SLC24A2: variants seen among roughly 807,000 people sequenced by gnomAD.
The protein encoded by SLC24A2 is sodium/potassium/calcium exchanger 2.
In SLC24A2, 36 loss-of-function variants were observed where a neutral mutation model predicts 62.0. The observed-to-expected ratio is 0.58, with a 90% CI of 0.44 to 0.77. The LOEUF (loss-of-function observed/expected upper bound fraction) is 0.77, where lower values mean the gene tolerates loss of function less well. Ranked by LOEUF, SLC24A2 falls within the 30% of genes least tolerant of loss-of-function variation. SLC24A2 has a pLI of 0.00. For synonymous variants in SLC24A2, 358 were observed against 294.0 expected, an observed-to-expected ratio of 1.22 and a Z score of -2.23; for missense variants, 846 against 817.9, an observed-to-expected ratio of 1.03 and a Z score of -0.42.
the SLC24A2 span, among the ~76,000 whole-genome samples, chr9:20,155,731 C>T: frequency 6.6e-6 from 1 of 151,618 alleles, no homozygotes; most frequent in Middle Eastern, 3.2e-3. Context: ...CTTTCAGATG[C>T]CATCAACATA....
At chr9:19,655,669 A>G (rs1335840547) in intron 2 of SLC24A2, among the ~76,000 whole-genome samples, 1 of 152,148 alleles carries the variant, frequency 6.6e-6, no homozygotes, top group Non-Finnish European at 1.5e-5. Flanking sequence ...TTCACTACAG[A>G]TTTATGGAGT....
chr9:20,055,944 G>GTTCTTAC, the SLC24A2 span, among the ~76,000 whole-genome samples: 1,438 of 152,140 alleles, frequency 9.5e-3, 26 homozygotes, highest in African/African-American at 0.033. Flanking sequence ...CAAAGTTCAT[G>GTTCTTAC]TTCTTACCGC....
the SLC24A2 span, among the ~76,000 whole-genome samples, chr9:19,904,863 G>A: frequency 6.6e-6 from 1 of 151,952 alleles, no homozygotes; most frequent in African/African-American, 2.4e-5. Flanking sequence ...GGCAAGTCTG[G>A]ACATATCTAC....
At chr9:19,972,982 T>G in the SLC24A2 span, among the ~76,000 whole-genome samples, 1 of 152,120 alleles carries the variant, frequency 6.6e-6, no homozygotes, top group Non-Finnish European at 1.5e-5. Context: ...GGGAAGAGGA[T>G]GATGGGATCT....
chr9:19,776,568 A>C (rs539855927), intron 2 of SLC24A2, among the ~76,000 whole-genome samples: 176 of 152,336 alleles, frequency 1.2e-3, no homozygotes, highest in African/African-American at 4.0e-3. Context: ...GAGGCGGTCT[A>C]GCGTCCTACA....
At chr9:19,738,993 G>A (rs553656820) in intron 2 of SLC24A2, among the ~76,000 whole-genome samples, 38 of 151,924 alleles carry the variant, frequency 2.5e-4, no homozygotes, top group East Asian at 7.8e-4. Context: ...GGTGCGCACC[G>A]GTAGTCCCAG....
At chr9:20,272,206 C>A in the SLC24A2 span, among the ~76,000 whole-genome samples, 1 of 152,160 alleles carries the variant, frequency 6.6e-6, no homozygotes, top group African/African-American at 2.4e-5. Context: ...GAAGCACCAG[C>A]ACTAAAATTA....
chr9:20,075,257 G>C, the SLC24A2 span, among the ~76,000 whole-genome samples: 1 of 152,144 alleles, frequency 6.6e-6, no homozygotes, highest in Non-Finnish European at 1.5e-5. Flanking sequence ...ACACCATGTT[G>C]AGTGCTTTAC....
At chr9:19,826,127 A>G in the SLC24A2 span, among the ~76,000 whole-genome samples, 2 of 150,976 alleles carry the variant, frequency 1.3e-5, no homozygotes, top group African/African-American at 2.4e-5. Flanking sequence ...AAAAATGATC[A>G]TAACGCAAAA....
rs1835181138 is a variant in SLC24A2, at chr9:19,557,946, AGT to A, written c.1348-7680_1348-7679del. Among the ~76,000 whole-genome samples, 5 of 151,814 alleles carry A rather than the reference AGT, an allele frequency of 3.3e-5. No homozygotes were observed. The South Asian group carries it at 1.0e-3, about 32-fold the overall frequency. On this transcript the variant is annotated intron_variant, in intron 7 of 10. Coordinates refer to ENST00000341998, the MANE Select transcript of SLC24A2 (RefSeq NM_020344.4). The stretch of plus-strand genomic sequence containing the variant: ...GCAATCCTCCCACTTTAGCCTCCCA[AGT>A]AGCTGAGACTACACGTATGCACCAC...
chr9:20,063,643 A>T, the SLC24A2 span, among the ~76,000 whole-genome samples: 1 of 152,162 alleles, frequency 6.6e-6, no homozygotes, highest in Non-Finnish European at 1.5e-5. Flanking sequence ...AAAGTATAAT[A>T]ATAAAAAAAT....
At chr9:19,556,933 A>C (rs145236411) in intron 7 of SLC24A2, among the ~76,000 whole-genome samples, 1 of 152,186 alleles carries the variant, frequency 6.6e-6, no homozygotes, top group Non-Finnish European at 1.5e-5. Flanking sequence ...ATAGATCACA[A>C]CAGACAAGCT....
chr9:19,891,019 C>T, the SLC24A2 span, among the ~76,000 whole-genome samples: 1 of 152,208 alleles, frequency 6.6e-6, no homozygotes, highest in Admixed American at 6.5e-5. Context: ...ACCCTAATAT[C>T]CCCCACTTGT....
chr9:19,659,991 C>CT (rs1448518063), intron 2 of SLC24A2, among the ~76,000 whole-genome samples: 20 of 152,152 alleles, frequency 1.3e-4, no homozygotes, highest in Admixed American at 1.3e-3. Context: ...GGGACCAAGA[C>CT]TTTTTTGAAT....
chr9:19,683,625 T>C (rs1819788171), intron 2 of SLC24A2, among the ~76,000 whole-genome samples: 1 of 152,078 alleles, frequency 6.6e-6, no homozygotes, highest in Admixed American at 6.6e-5. Flanking sequence ...CAACAATATT[T>C]AGTTCATTTT....
chr9:19,884,002 G>A, the SLC24A2 span, among the ~76,000 whole-genome samples: 1 of 152,158 alleles, frequency 6.6e-6, no homozygotes, highest in Non-Finnish European at 1.5e-5. Context: ...CTGCTAGACT[G>A]AAGTGATCTC....
At chr9:19,695,854 A>T (rs906473352) in intron 2 of SLC24A2, among the ~76,000 whole-genome samples, 12 of 152,278 alleles carry the variant, frequency 7.9e-5, no homozygotes, top group Non-Finnish European at 1.3e-4. Flanking sequence ...TATTGACTTA[A>T]GGAAAGCAAA....
At chr9:20,016,097 T>G in the SLC24A2 span, among the ~76,000 whole-genome samples, 9 of 152,244 alleles carry the variant, frequency 5.9e-5, no homozygotes, top group African/African-American at 2.2e-4. Context: ...GCCAGTGCTT[T>G]TTGAACTATA....
At chr9:19,783,003 A>G (rs1197957977) in intron 2 of SLC24A2, among the ~76,000 whole-genome samples, 8 of 152,192 alleles carry the variant, frequency 5.3e-5, no homozygotes, top group Non-Finnish European at 4.4e-5. Context: ...AAATAACAAT[A>G]ATAAAAATAA....
Sources: allele counts gnomAD v4.1 joint callset (sites outside exome capture counted in the v4.1 genomes callset), GRCh38; gene constraint gnomAD v4.1.1; transcripts MANE v1.5; gene names NCBI Gene and HGNC (gene_info 2026-07-23, HGNC 2026-07-21).